The following DGKH variants were observed in gnomAD, a reference collection of about 807,000 sequenced individuals.
DGKH encodes the protein diacylglycerol kinase eta, also known as DAG kinase eta.
DGKH carries 90 observed loss-of-function variants against 159.3 expected under a neutral mutation model. That is an observed-to-expected ratio of 0.57 (90% CI 0.48 to 0.67). The LOEUF (loss-of-function observed/expected upper bound fraction) is 0.67, where lower values mean the gene tolerates loss of function less well. Ranked by LOEUF, DGKH falls within the 30% of genes least tolerant of loss-of-function variation. DGKH has a pLI of 0.00. For missense variants in DGKH, 1,181 were observed against 1,506.1 expected (o/e 0.78, Z 3.57); for synonymous variants, 536 against 553.8 (o/e 0.97, Z 0.45).
At chr13:42,135,619 A>T (rs1170176) in intron 3 of DGKH, among the ~76,000 whole-genome samples, 152,273 of 152,280 alleles carry the variant, frequency 1, 76,133 homozygotes, top group Middle Eastern at 1. Context: ...TTGTTCATTT[A>T]AAAAAATTCA....
intron 13 of DGKH, among the ~76,000 whole-genome samples, chr13:42,181,177 T>C (rs1447966269): frequency 6.9e-6 from 1 of 145,706 alleles, no homozygotes; most frequent in East Asian, 2.1e-4. Flanking sequence ...CTCGGGAGGC[T>C]GAGGCAGGAG....
chr13:42,169,650 T>C (rs901908793), intron 11 of DGKH, among the ~76,000 whole-genome samples: 1 of 152,122 alleles, frequency 6.6e-6, no homozygotes, highest in Non-Finnish European at 1.5e-5. Flanking sequence ...AATAACAAAA[T>C]TTCACCAGGG....
chr13:42,228,424 T>C (rs530205799), intron 29 of DGKH, among the ~76,000 whole-genome samples: 20 of 152,328 alleles, frequency 1.3e-4, no homozygotes, highest in South Asian at 1.0e-3. Context: ...AGCCTTGTAA[T>C]GCAACTGCAA....
At chr13:42,220,330 C>T (rs1957933097) in intron 28 of DGKH, among the ~76,000 whole-genome samples, 1 of 152,180 alleles carries the variant, frequency 6.6e-6, no homozygotes, top group African/African-American at 2.4e-5. Flanking sequence ...TGACAATATG[C>T]TGTGATACTT....
chr13:42,051,627 A>AAG (rs1433106421), intron 1 of DGKH, among the ~76,000 whole-genome samples: 2 of 145,272 alleles, frequency 1.4e-5, no homozygotes, highest in East Asian at 4.1e-4. Flanking sequence ...GGTAGGCCCT[A>AAG]AGATTAGCTC....
At position 42,229,312 on chromosome 13, in the gene DGKH, C is replaced by A; in HGVS notation, c.*124C>A. 1 of 794,596 alleles carries A rather than the reference C, an allele frequency of 1.3e-6. No homozygotes were observed. The highest frequency in any genetic ancestry group is 2.0e-6 in the Non-Finnish European group (1 of 510,548). 49.2% of individuals were successfully genotyped at this position (794,596 alleles called of 1,614,324 possible). A position where few individuals can be genotyped will look rare whatever the true frequency, so the allele number is the denominator to read the frequency against. On this transcript the variant is annotated 3_prime_UTR_variant, in exon 30 of 30. Transcript: ENST00000337343. ...AAGCACCACTGAAGCACCTCTGTGG[C>A]TTGATATTTTGCTGTGGGTGAAATT... is the stretch of plus-strand genomic sequence containing the variant.
At chr13:42,186,064 A>G (rs893607247) in intron 13 of DGKH, among the ~76,000 whole-genome samples, 1 of 149,836 alleles carries the variant, frequency 6.7e-6, no homozygotes, top group Non-Finnish European at 1.5e-5. Context: ...TCCTGTGTCT[A>G]TTGAATTGCT....
At chr13:42,127,170 T>G (rs952714908) in intron 1 of DGKH, among the ~76,000 whole-genome samples, 2 of 152,220 alleles carry the variant, frequency 1.3e-5, no homozygotes, top group African/African-American at 4.8e-5. Context: ...CCATACTTAA[T>G]ATATACAAGG....
Position 42,199,566 on chromosome 13 carries a change from A to G in DGKH, c.2286A>G (p.Val762=). Residue 762 remains valine (V), a splice_region_variant and synonymous_variant, in exon 19 of 30, where the codon GTA becomes GTG. Coordinates refer to ENST00000337343, the MANE Select transcript of DGKH (RefSeq NM_178009.5). ...TPFIDPDLDS[V]DGYSEKCVMN... is the part of the protein sequence containing the mutation. ...GATGTACTTTTCCCTGTGATCATAG[A>G]GATGGATATTCAGAAAAATGTGTCA... is the stretch of plus-strand genomic sequence containing the variant. 2 of 1,571,238 alleles carry G rather than the reference A, an allele frequency of 1.3e-6. No homozygotes were observed. The highest frequency in any genetic ancestry group is 1.7e-6 in the Non-Finnish European group (2 of 1,159,642).
intron 3 of DGKH, among the ~76,000 whole-genome samples, chr13:42,133,557 G>A (rs745888676): frequency 6.6e-6 from 1 of 151,968 alleles, no homozygotes; most frequent in African/African-American, 2.4e-5. Flanking sequence ...TTAGCCAGGT[G>A]TAGTGGTGCG....
intron 29 of DGKH, among the ~76,000 whole-genome samples, chr13:42,226,474 G>T (rs1384825714): frequency 6.6e-6 from 1 of 152,138 alleles, no homozygotes; most frequent in African/African-American, 2.4e-5. Context: ...ATAAATCATT[G>T]TATTATAAAG....
chr13:42,079,910 G>A (rs1954168532), intron 1 of DGKH, among the ~76,000 whole-genome samples: 1 of 152,086 alleles, frequency 6.6e-6, no homozygotes. Context: ...TTTGAGGTTT[G>A]AAAATGTCTG....
intron 1 of DGKH, among the ~76,000 whole-genome samples, chr13:42,123,995 T>C (rs540838930): frequency 6.6e-6 from 1 of 152,320 alleles, no homozygotes; most frequent in African/African-American, 2.4e-5. Context: ...TCAAAACATA[T>C]CAAATTGTAT....
intron 15 of DGKH, among the ~76,000 whole-genome samples, chr13:42,189,648 A>G (rs1957015928): frequency 6.6e-6 from 1 of 152,210 alleles, no homozygotes; most frequent in Admixed American, 6.5e-5. Context: ...AATAAAACCT[A>G]TAAACTACTT....
intron 1 of DGKH, chr13:42,071,163 A>C (rs1174204599): frequency 1.8e-6 from 1 of 566,452 alleles, no homozygotes; most frequent in Non-Finnish European, 3.1e-6. Flanking sequence ...GAAAACTGGC[A>C]TCAAAAGGAA....
chr13:42,219,274 C>A lies in DGKH; in HGVS notation c.3258C>A (p.His1086Gln), dbSNP rs372906999. 1 of 1,613,804 alleles carries A rather than the reference C, an allele frequency of 6.2e-7. No individual in the cohort carries two copies. Among genetic ancestry groups the A allele is most frequent in the African/African-American group, 1.3e-5 (1 of 74,890 alleles). Residue 1086 changes from histidine (H) to glutamine (Q), a missense_variant, in exon 27 of 30, where the codon CAC (histidine) becomes CAA (glutamine). Transcript: ENST00000337343. ...AAGAGCGAGTATCCAATGCCTTACA[C>A]TCTGTGGAGGTGGAATTACAGAAAC... ...PHEERVSNAL[H>Q]SVEVELQKLT...
chr13:42,135,760 A>C (rs1955391451), intron 3 of DGKH, among the ~76,000 whole-genome samples: 1 of 152,264 alleles, frequency 6.6e-6, no homozygotes, highest in East Asian at 1.9e-4. Context: ...TTTTGGTCAC[A>C]CTGATGCCAC....
At chr13:42,187,197 A>G in intron 14 of DGKH, 49 bp downstream of exon 14, 1 of 1,465,338 alleles carries the variant, frequency 6.8e-7, no homozygotes, top group Non-Finnish European at 9.6e-7. Context: ...GACAATGCTC[A>G]CATTCAACTG....
intron 26 of DGKH, 140 bp downstream of exon 26, chr13:42,215,807 G>C: frequency 1.5e-6 from 1 of 667,582 alleles, no homozygotes; most frequent in Non-Finnish European, 2.5e-6. Context: ...CTCTTCACCT[G>C]GTTTTTGTCT....
Sources: gnomAD v4.1 joint callset for allele counts (sites outside exome capture counted in the v4.1 genomes callset) on GRCh38, gnomAD v4.1.1 for gene constraint, MANE v1.5 for transcripts, NCBI Gene and HGNC (gene_info 2026-07-23, HGNC 2026-07-21) for gene names.